GPR137B: variants seen among roughly 807,000 people sequenced by gnomAD.
The protein encoded by GPR137B is G protein-coupled receptor 137B, also known as integral membrane protein GPR137B.
GPR137B carries 42 observed loss-of-function variants against 42.5 expected under a neutral mutation model. The observed-to-expected ratio is 0.99, with a 90% CI of 0.77 to 1.28. GPR137B has a LOEUF of 1.28. Ranked by LOEUF, GPR137B falls within the 50% of genes most tolerant of loss-of-function variation. The pLI is 0.00. For missense variants in GPR137B, 487 were observed against 493.9 expected (o/e 0.99, Z 0.13); for synonymous variants, 218 against 209.7 (o/e 1.04, Z -0.34).
At chr1:236,145,981 C>A (rs1257689938) in intron 1 of GPR137B, among the ~76,000 whole-genome samples, 1 of 152,190 alleles carries the variant, frequency 6.6e-6, no homozygotes, top group African/African-American at 2.4e-5. Flanking sequence ...CCTCAGCCTC[C>A]CGAGTATCTG....
intron 2 of GPR137B, among the ~76,000 whole-genome samples, chr1:236,174,751 G>C (rs1662635183): frequency 6.6e-6 from 1 of 152,170 alleles, no homozygotes; most frequent in Non-Finnish European, 1.5e-5. Context: ...GGAGGCTGAA[G>C]TGGGAGAATC....
At chr1:236,178,680 T>G (rs1239905732) in intron 3 of GPR137B, 44 bp downstream of exon 3, 2 of 1,230,224 alleles carry the variant, frequency 1.6e-6, no homozygotes, top group South Asian at 1.2e-5. Context: ...AAACGTGTTC[T>G]AAAAAGAGTT....
chr1:236,151,829 C>G (rs1661875641), intron 1 of GPR137B, among the ~76,000 whole-genome samples: 1 of 152,146 alleles, frequency 6.6e-6, no homozygotes, highest in Non-Finnish European at 1.5e-5. Context: ...GCTCTGTGGG[C>G]TGCTCCCACC....
At chr1:236,188,824 G>A (rs540606089) in intron 5 of GPR137B, among the ~76,000 whole-genome samples, 1 of 152,300 alleles carries the variant, frequency 6.6e-6, no homozygotes, top group East Asian at 1.9e-4. Flanking sequence ...TTAGGATGAT[G>A]CTGGCCTCAT....
At position 236,178,555 on chromosome 1, in the gene GPR137B, C is replaced by G. The variant is rs3736902; in HGVS notation, c.606C>G (p.Phe202Leu). 6.2e-7 allele frequency: 1 copy of G among 1,613,014 alleles called. No homozygotes were observed. Among genetic ancestry groups the G allele is most frequent in the African/African-American group, 1.3e-5 (1 of 74,878 alleles). The change falls in exon 3 of 7, where the codon TTC (phenylalanine) becomes TTG (leucine). Residue 202 changes from phenylalanine to leucine, a missense_variant. Coordinates refer to ENST00000366592, the MANE Select transcript of GPR137B (RefSeq NM_003272.4). The part of the protein sequence containing the change: ...SVRVAINDTL[F>L]VLCAVSLSIC... ...GAGTGGCCATTAATGACACGCTCTT[C>G]GTGCTGTGTGCCGTCTCTCTCTCCA...
chr1:236,148,427 G>A lies in GPR137B; in HGVS notation c.414+5391G>A, dbSNP rs527571178. Among the ~76,000 whole-genome samples, 142 of 152,304 alleles carry A rather than the reference G, an allele frequency of 9.3e-4. 2 individuals are homozygous for A. The highest frequency in any genetic ancestry group is 3.1e-3 in the African/African-American group (130 of 41,564). On this transcript the variant is annotated intron_variant, in intron 1 of 6. Transcript: ENST00000366592. Reference sequence around the variant, plus strand: ...CCAGATTCCCGAGTTTGGCAGGATGGAACAGGCTGGTTCAGCTTTGTCTTG... The same window carrying A: ...CCAGATTCCCGAGTTTGGCAGGATGAAACAGGCTGGTTCAGCTTTGTCTTG...
At chr1:236,189,006 T>C (rs1054341706) in intron 5 of GPR137B, among the ~76,000 whole-genome samples, 1 of 152,206 alleles carries the variant, frequency 6.6e-6, no homozygotes, top group Non-Finnish European at 1.5e-5. Context: ...GAACTTGTTA[T>C]TGGTCTATTC....
At chr1:236,161,106 GCAT>G (rs956577475) in intron 1 of GPR137B, among the ~76,000 whole-genome samples, 2 of 151,944 alleles carry the variant, frequency 1.3e-5, no homozygotes, top group African/African-American at 4.8e-5. Context: ...CCAGGCCCAG[GCAT>G]CATGAATCTG....
chr1:236,154,733 A>G (rs746214916), intron 1 of GPR137B, among the ~76,000 whole-genome samples: 1 of 151,620 alleles, frequency 6.6e-6, no homozygotes, highest in African/African-American at 2.4e-5. Flanking sequence ...GGCAAAAACA[A>G]ACTGGGGTAC....
chr1:236,149,827 T>C (rs7520258), intron 1 of GPR137B, among the ~76,000 whole-genome samples: 10,762 of 152,326 alleles, frequency 0.071, 854 homozygotes, highest in East Asian at 0.22. Flanking sequence ...CAGCCAGAGT[T>C]GTGTGTGCAC....
At chr1:236,151,417 CATTTTTTT>C (rs1181756991) in intron 1 of GPR137B, among the ~76,000 whole-genome samples, 2 of 126,570 alleles carry the variant, frequency 1.6e-5, no homozygotes, top group South Asian at 2.7e-4. Flanking sequence ...GTTGCATATT[CATTTTTTT>C]TTTTTTTTTT....
At chr1:236,177,633 T>C (rs1662725281) in intron 2 of GPR137B, among the ~76,000 whole-genome samples, 1 of 152,012 alleles carries the variant, frequency 6.6e-6, no homozygotes, top group African/African-American at 2.4e-5. Flanking sequence ...CTCGGCTCAC[T>C]GCAACCTCCA....
chr1:236,172,735 G>A (rs1662574354), intron 2 of GPR137B, among the ~76,000 whole-genome samples: 1 of 150,370 alleles, frequency 6.7e-6, no homozygotes, highest in South Asian at 2.1e-4. Context: ...CTGGAGTGCA[G>A]TGGCGGTGGT....
chr1:236,204,041 C>T (rs1180884176), intron 5 of GPR137B, among the ~76,000 whole-genome samples: 1 of 152,152 alleles, frequency 6.6e-6, no homozygotes, highest in African/African-American at 2.4e-5. Context: ...ATGATACTAG[C>T]TATGGGTCTG....
At chr1:236,160,513 T>A (rs559769645) in intron 1 of GPR137B, among the ~76,000 whole-genome samples, 54 of 152,288 alleles carry the variant, frequency 3.5e-4, no homozygotes, top group African/African-American at 1.3e-3. Context: ...TCTCCCTGTC[T>A]GCCCTTCTCG....
rs1405283267 is a variant in GPR137B, at chr1:236,156,704, G to A, written c.415-12002G>A. Among the ~76,000 whole-genome samples, 1 of 152,186 alleles carries A rather than the reference G, an allele frequency of 6.6e-6. No homozygotes were observed. Among genetic ancestry groups the A allele is most frequent in the African/African-American group, 2.4e-5 (1 of 41,452 alleles). On this transcript the variant is annotated intron_variant, in intron 1 of 6. Transcript: ENST00000366592. The surrounding 1 kb of genome is among the most constrained non-coding windows in gnomAD (Gnocchi z 4.8). ...ACCGACTGTCTTGTCACCCTGCTCT[G>A]CTGAGTGAGGATGCTCAGCATGTGG...
intron 4 of GPR137B, among the ~76,000 whole-genome samples, chr1:236,182,231 A>T (rs748063339): frequency 2.0e-5 from 3 of 152,126 alleles, no homozygotes; most frequent in Non-Finnish European, 4.4e-5. Context: ...CACTGGTATT[A>T]AGTACACTCA....
At position 236,150,727 on chromosome 1, in the gene GPR137B, A is replaced by G. The variant is rs1661834404; in HGVS notation, c.414+7691A>G. Among the ~76,000 whole-genome samples the G allele has an allele frequency of 6.6e-6, 1 of 152,122 alleles. No homozygotes were observed. Among genetic ancestry groups the G allele is most frequent in the Non-Finnish European group, 1.5e-5 (1 of 68,016 alleles). On this transcript the variant is annotated intron_variant, in intron 1 of 6. Coordinates refer to ENST00000366592, the MANE Select transcript of GPR137B (RefSeq NM_003272.4). The surrounding 1 kb of genome is among the most constrained non-coding windows in gnomAD (Gnocchi z 6.2). Reference sequence around the variant, plus strand: ...CACTGTGGCACCTGCAGGCTTTGCTACGGCTTCTTGCTCACCTGCCTTTCC... The same window carrying G: ...CACTGTGGCACCTGCAGGCTTTGCTGCGGCTTCTTGCTCACCTGCCTTTCC...
Position 236,155,562 on chromosome 1 carries a change from G to C in GPR137B, c.414+12526G>C, listed in dbSNP as rs1376728912. On this transcript the variant is annotated intron_variant, in intron 1 of 6. Transcript: ENST00000366592. The surrounding 1 kb of genome is among the most constrained non-coding windows in gnomAD (Gnocchi z 4.6). ...GCTCTCTAGAGTCCCGTCTCCTCGC[G>C]GGCTGCCTGCTGGGCTGACTTATCA... Among the ~76,000 whole-genome samples the C allele has an allele frequency of 6.6e-6, 1 of 152,090 alleles. No homozygotes were observed. The highest frequency in any genetic ancestry group is 2.4e-5 in the African/African-American group (1 of 41,402).
Sources: gnomAD v4.1 joint callset for allele counts (sites outside exome capture counted in the v4.1 genomes callset) on GRCh38, gnomAD v4.1.1 for gene constraint, Gnocchi (gnomAD v3.1) non-coding constraint, MANE v1.5 for transcripts, NCBI Gene and HGNC (gene_info 2026-07-23, HGNC 2026-07-21) for gene names.